The following PPARGC1A variants were observed in gnomAD, a reference collection of about 807,000 sequenced individuals.
PPARGC1A encodes the protein peroxisome proliferator-activated receptor gamma coactivator 1-alpha.
A neutral mutation model predicts 88.7 loss-of-function variants in PPARGC1A; 25 were observed. The ratio of observed to expected loss-of-function variants is 0.28; its 90% CI spans 0.21 to 0.39. PPARGC1A has a LOEUF of 0.39. Ranked by LOEUF, PPARGC1A falls within the 10% of genes least tolerant of loss-of-function variation. The pLI is 1.00. For missense variants in PPARGC1A, 880 were observed against 968.7 expected, an observed-to-expected ratio of 0.91 and a Z score of 1.22; for synonymous variants, 363 against 355.6, an observed-to-expected ratio of 1.02 and a Z score of -0.24.
the PPARGC1A span, among the ~76,000 whole-genome samples, chr4:24,283,574 C>T: frequency 6.6e-6 from 1 of 152,206 alleles, no homozygotes; most frequent in African/African-American, 2.4e-5. Context: ...AGAAAGTAGA[C>T]CAATAAATAG....
the PPARGC1A span, among the ~76,000 whole-genome samples, chr4:24,069,968 G>A: frequency 6.6e-6 from 1 of 152,136 alleles, no homozygotes; most frequent in Non-Finnish European, 1.5e-5. Flanking sequence ...GTCCAATTTG[G>A]CTTTGAGCTA....
chr4:23,995,224 C>T, the PPARGC1A span, among the ~76,000 whole-genome samples: 6 of 151,812 alleles, frequency 4.0e-5, no homozygotes, highest in South Asian at 4.2e-4. Context: ...TAGAAAATCA[C>T]GTGGGAAAGT....
chr4:24,336,301 A>G, the PPARGC1A span, among the ~76,000 whole-genome samples: 1 of 152,200 alleles, frequency 6.6e-6, no homozygotes, highest in African/African-American at 2.4e-5. Context: ...GAGAAGAGAC[A>G]GGGATGGTGA....
chr4:23,966,316 C>T, the PPARGC1A span, among the ~76,000 whole-genome samples: 1 of 152,114 alleles, frequency 6.6e-6, no homozygotes, highest in Non-Finnish European at 1.5e-5. Flanking sequence ...CAATGCTGCC[C>T]AGTATGGTAG....
the PPARGC1A span, among the ~76,000 whole-genome samples, chr4:24,466,985 A>AGGAGGGAG: frequency 2.9e-5 from 4 of 136,146 alleles, no homozygotes; most frequent in Non-Finnish European, 4.6e-5. Flanking sequence ...AAAGAAAGAA[A>AGGAGGGAG]GGAGGGAGGG....
the PPARGC1A span, among the ~76,000 whole-genome samples, chr4:24,032,539 C>A: frequency 1.3e-5 from 2 of 152,260 alleles, no homozygotes; most frequent in African/African-American, 4.8e-5. Flanking sequence ...AGACACACTT[C>A]CATCTGACAT....
the PPARGC1A span, among the ~76,000 whole-genome samples, chr4:24,296,002 G>GTATGTGTATA: frequency 1.3e-5 from 2 of 149,518 alleles, no homozygotes; most frequent in African/African-American, 4.9e-5. Context: ...ATATGTGTAT[G>GTATGTGTATA]TATGTGTGTA....
At chr4:24,214,590 A>G in the PPARGC1A span, among the ~76,000 whole-genome samples, 1 of 152,202 alleles carries the variant, frequency 6.6e-6, no homozygotes, top group Admixed American at 6.5e-5. Flanking sequence ...ACAGTGGTGG[A>G]GACAAAGATT....
At chr4:23,840,032 C>T (rs1043040228) in intron 2 of PPARGC1A, among the ~76,000 whole-genome samples, 2 of 151,946 alleles carry the variant, frequency 1.3e-5, no homozygotes, top group African/African-American at 4.8e-5. Context: ...TTTGCCAACC[C>T]ATCTCAATAT....
At chr4:23,962,240 T>C in the PPARGC1A span, among the ~76,000 whole-genome samples, 136 of 152,116 alleles carry the variant, frequency 8.9e-4, no homozygotes, top group Non-Finnish European at 3.5e-4. Context: ...TGTCAAATTC[T>C]GTTGTATATT....
the PPARGC1A span, among the ~76,000 whole-genome samples, chr4:24,387,910 G>GA: frequency 3.3e-4 from 3 of 9,208 alleles, no homozygotes; most frequent in Non-Finnish European, 7.1e-3. Flanking sequence ...GAAAGAGAAA[G>GA]AAAGAAAGAA....
chr4:23,881,196 C>T (rs1253159658), intron 2 of PPARGC1A: 4 of 152,144 alleles, frequency 2.6e-5, no homozygotes, highest in South Asian at 2.1e-4. Flanking sequence ...TGCTACCAGC[C>T]GGTCCAGGGA....
At chr4:23,989,496 G>A in the PPARGC1A span, among the ~76,000 whole-genome samples, 2 of 151,884 alleles carry the variant, frequency 1.3e-5, no homozygotes, top group South Asian at 4.2e-4. Context: ...GAGGAAGAGG[G>A]GCAGGTAACA....
At chr4:24,017,632 A>G in the PPARGC1A span, among the ~76,000 whole-genome samples, 3 of 152,186 alleles carry the variant, frequency 2.0e-5, no homozygotes, top group Non-Finnish European at 4.4e-5. Context: ...CTAAATTTGT[A>G]CTTAGAATAT....
the PPARGC1A span, among the ~76,000 whole-genome samples, chr4:24,085,832 T>G: frequency 6.6e-6 from 1 of 152,274 alleles, no homozygotes; most frequent in African/African-American, 2.4e-5. Flanking sequence ...AAGCTCTGGA[T>G]CCAGGCTGCT....
In PPARGC1A at chr4:23,793,468, T is replaced by G. The variant is rs1408996301; in HGVS notation, c.*2354A>C. ...CAGAACACAATATGCTGGTGATAAA[T>G]GAATGCAGCTATCAAAATTAGCTGC... On this transcript the variant is annotated 3_prime_UTR_variant, in exon 13 of 13. Coordinates refer to ENST00000264867, the MANE Select transcript of PPARGC1A (RefSeq NM_013261.5). 1 of 152,452 alleles carries G rather than the reference T, an allele frequency of 6.6e-6. No individual in the cohort carries two copies. Among genetic ancestry groups the G allele is most frequent in the Admixed American group, 6.6e-5 (1 of 15,244 alleles). The allele number at this position is 152,452 out of a possible 1,614,324, so 9.4% of individuals were successfully genotyped here.
upstream of PPARGC1A, chr4:23,890,103 A>C (rs1717600218): frequency 7.3e-7 from 1 of 1,366,808 alleles, no homozygotes; most frequent in African/African-American, 1.4e-5. Flanking sequence ...TGACAAAGCT[A>C]TTAAAAAGTA....
At chr4:24,098,758 G>A in the PPARGC1A span, among the ~76,000 whole-genome samples, 1 of 152,186 alleles carries the variant, frequency 6.6e-6, no homozygotes. Context: ...GAAGGATTTA[G>A]TAGACATTTA....
At chr4:24,460,010 T>C in the PPARGC1A span, among the ~76,000 whole-genome samples, 1 of 152,190 alleles carries the variant, frequency 6.6e-6, no homozygotes, top group Non-Finnish European at 1.5e-5. Context: ...TAGGACATTC[T>C]CTAGTTACTT....
Sources: gnomAD v4.1 joint callset for allele counts (sites outside exome capture counted in the v4.1 genomes callset) on GRCh38, gnomAD v4.1.1 for gene constraint, MANE v1.5 for transcripts, NCBI Gene and HGNC (gene_info 2026-07-23, HGNC 2026-07-21) for gene names.